EYS: variants seen among roughly 807,000 people sequenced by gnomAD.
EYS encodes the protein protein eyes shut homolog.
In EYS, 250 loss-of-function variants were observed where a neutral mutation model predicts 282.1. That is an observed-to-expected ratio of 0.89 (90% confidence interval 0.80 to 0.98). The LOEUF (loss-of-function observed/expected upper bound fraction) is 0.98, where lower values mean the gene tolerates loss of function less well. EYS is among the 50% of genes least tolerant of loss of function. EYS has a pLI of 0.00. For synonymous variants in EYS, 1,355 were observed against 1,282.9 expected, an observed-to-expected ratio of 1.06 and a Z score of -1.20; for missense variants, 4,016 against 3,709.0, an observed-to-expected ratio of 1.08 and a Z score of -2.15.
chr6:65,243,655 C>G (rs1368715921), intron 12 of EYS, among the ~76,000 whole-genome samples: 3 of 152,030 alleles, frequency 2.0e-5, no homozygotes, highest in African/African-American at 7.3e-5. Flanking sequence ...TTATGTTCCT[C>G]TGGTGAGAGG....
At chr6:65,671,643 C>T (rs1768394215) in intron 1 of EYS, among the ~76,000 whole-genome samples, 1 of 152,092 alleles carries the variant, frequency 6.6e-6, no homozygotes, top group African/African-American at 2.4e-5. Context: ...ATATGCAAAA[C>T]ATTCTCCTTT....
Position 64,102,128 on chromosome 6 carries a change from G to A in EYS, c.6425-20126C>T, listed in dbSNP as rs114677952. 6.7e-3 allele frequency among the ~76,000 whole-genome samples: 1,026 copies of A among 152,264 alleles called. 11 individuals are homozygous for A. Among genetic ancestry groups the A allele is most frequent in the African/African-American group, 0.023 (949 of 41,550 alleles). On this transcript the variant is annotated intron_variant, in intron 31 of 42. Coordinates refer to ENST00000503581, the MANE Select transcript of EYS (RefSeq NM_001142800.2). ...ACTGATACCATGGCCCGGGTGCTAG[G>A]AACCCCTGGTCTATGCCACTTGTAG...
chr6:64,535,678 G>A (rs1209597256), intron 26 of EYS, among the ~76,000 whole-genome samples: 1 of 151,902 alleles, frequency 6.6e-6, no homozygotes, highest in East Asian at 1.9e-4. Flanking sequence ...GGTCGAGGCT[G>A]CAGTGAGCCA....
At chr6:64,495,045 T>C (rs1776850062) in intron 26 of EYS, among the ~76,000 whole-genome samples, 1 of 151,700 alleles carries the variant, frequency 6.6e-6, no homozygotes, top group South Asian at 2.1e-4. Flanking sequence ...AAGATTATTA[T>C]TATCACATGT....
intron 9 of EYS, 144 bp from the exon 10 acceptor site, chr6:65,344,321 T>A: frequency 1.5e-6 from 1 of 688,406 alleles, no homozygotes; most frequent in Non-Finnish European, 2.5e-6. Flanking sequence ...GCATATGATA[T>A]TGAATTTGAA....
At chr6:64,605,323 A>C (rs2149840497) in intron 24 of EYS, among the ~76,000 whole-genome samples, 1 of 152,082 alleles carries the variant, frequency 6.6e-6, no homozygotes, top group Non-Finnish European at 1.5e-5. Flanking sequence ...AAAAAGTTTG[A>C]ATGTTAAAGT....
Position 65,061,181 on chromosome 6 carries a change from G to A in EYS, c.2024-3454C>T, listed in dbSNP as rs146958600. Among the ~76,000 whole-genome samples the A allele has an allele frequency of 8.4e-4, 127 of 151,976 alleles. 1 individual carries two copies. Among genetic ancestry groups the A allele is most frequent in the African/African-American group, 3.0e-3 (125 of 41,526 alleles). On this transcript the variant is annotated intron_variant, in intron 12 of 42. Coordinates refer to ENST00000503581, the MANE Select transcript of EYS (RefSeq NM_001142800.2). ...TGTATATAATTTTAGAGCTTTTATT[G>A]CCAAAATGTAGATTGAATTTAAATG...
chr6:63,807,986 T>G (rs1340387597), intron 36 of EYS, among the ~76,000 whole-genome samples: 12 of 152,222 alleles, frequency 7.9e-5, no homozygotes, highest in Admixed American at 7.9e-4. Flanking sequence ...TCTTTTGCTT[T>G]TAATATTTCT....
intron 30 of EYS, among the ~76,000 whole-genome samples, chr6:64,261,155 T>C (rs1208090433): frequency 6.6e-6 from 1 of 151,948 alleles, no homozygotes; most frequent in Non-Finnish European, 1.5e-5. Flanking sequence ...CCATTAAGCA[T>C]TCCTATTTTT....
chr6:63,811,509 C>T (rs1771045971), intron 36 of EYS, among the ~76,000 whole-genome samples: 1 of 152,164 alleles, frequency 6.6e-6, no homozygotes, highest in South Asian at 2.1e-4. Flanking sequence ...TGCTGCTCCT[C>T]ATTCTCCTTT....
intron 8 of EYS, among the ~76,000 whole-genome samples, chr6:65,371,801 A>G (rs1198419022): frequency 6.7e-6 from 1 of 149,856 alleles, no homozygotes; most frequent in South Asian, 2.1e-4. Context: ...GGGGACAAGG[A>G]GAGAGGGACA....
intron 12 of EYS, among the ~76,000 whole-genome samples, chr6:65,085,987 C>G (rs1006298525): frequency 1.4e-4 from 21 of 150,880 alleles, no homozygotes; most frequent in African/African-American, 4.9e-4. Context: ...ATTTTTTTGT[C>G]TTCTGGAGTA....
At chr6:65,196,116 C>T (rs1765760941) in intron 12 of EYS, among the ~76,000 whole-genome samples, 2 of 151,930 alleles carry the variant, frequency 1.3e-5, no homozygotes, top group Non-Finnish European at 1.5e-5. Flanking sequence ...ATATTTTTTG[C>T]TATTTTTCTT....
chr6:65,168,690 C>T (rs555059993), intron 12 of EYS, among the ~76,000 whole-genome samples: 1 of 151,270 alleles, frequency 6.6e-6, no homozygotes, highest in East Asian at 2.0e-4. Flanking sequence ...GGTCATAGTA[C>T]CATGTAAGGA....
intron 31 of EYS, among the ~76,000 whole-genome samples, chr6:64,126,980 G>C (rs1213853047): frequency 6.6e-6 from 1 of 152,084 alleles, no homozygotes; most frequent in East Asian, 1.9e-4. Flanking sequence ...ATGGGTTAGA[G>C]ATGACTGTGA....
At chr6:65,279,869 C>A (rs1334291437) in intron 12 of EYS, among the ~76,000 whole-genome samples, 1 of 152,084 alleles carries the variant, frequency 6.6e-6, no homozygotes, top group Non-Finnish European at 1.5e-5. Flanking sequence ...GATTTCAATT[C>A]TATAATTTTG....
At chr6:64,099,785 G>A (rs113620997) in intron 31 of EYS, among the ~76,000 whole-genome samples, 6,383 of 152,020 alleles carry the variant, frequency 0.042, 398 homozygotes, top group African/African-American at 0.14. Context: ...CTAGCTGGTG[G>A]GTTAACTACA....
intron 1 of EYS, among the ~76,000 whole-genome samples, chr6:65,659,491 T>C (rs1221295919): frequency 6.6e-6 from 1 of 151,740 alleles, no homozygotes; most frequent in Non-Finnish European, 1.5e-5. Context: ...CAGATTTCCA[T>C]CAAGATTCGT....
chr6:64,506,551 A>G (rs1185243810), intron 26 of EYS, among the ~76,000 whole-genome samples: 1 of 152,192 alleles, frequency 6.6e-6, no homozygotes, highest in African/African-American at 2.4e-5. Context: ...CACTCTGCTG[A>G]GAAGTGAATG....
Sources: gnomAD v4.1 joint callset for allele counts (sites outside exome capture counted in the v4.1 genomes callset) on GRCh38, gnomAD v4.1.1 for gene constraint, MANE v1.5 for transcripts, NCBI Gene and HGNC (gene_info 2026-07-23, HGNC 2026-07-21) for gene names.